Variants in GNG10 observed in about 807,000 individuals in gnomAD.
GNG10 encodes G protein subunit gamma 10.
Under a neutral mutation model 6.8 loss-of-function variants are expected in GNG10, and 7 were observed. The ratio of observed to expected loss-of-function variants is 1.02; its 90% CI spans 0.58 to 1.92. The LOEUF is 1.92. Among genes scored for constraint, GNG10 ranks in the 30% most tolerant of loss-of-function variants. The probability of loss-of-function intolerance (pLI) is 0.00; values close to 1 mark genes in which losing one functional copy is unlikely to be tolerated. For synonymous variants in GNG10, 28 were observed against 34.8 expected, an observed-to-expected ratio of 0.80 and a Z score of 0.69; for missense variants, 57 against 86.1, an observed-to-expected ratio of 0.66 and a Z score of 1.34.
chr9:111,665,893 ATTTTTTT>A (rs571066443), intron 1 of GNG10, among the ~76,000 whole-genome samples: 31 of 121,860 alleles, frequency 2.5e-4, no homozygotes, highest in South Asian at 2.6e-4. Context: ...CACCCGGTTA[ATTTTTTT>A]TTTTTTTTTT....
At position 111,661,857 on chromosome 9, in the gene GNG10, C is replaced by A; in HGVS notation, c.81+142C>A. 3.2e-6 allele frequency: 1 copy of A among 314,176 alleles called. No individual in the cohort carries two copies. The highest frequency in any genetic ancestry group is 5.2e-6 in the Non-Finnish European group (1 of 191,232). 19.5% of individuals were successfully genotyped at this position (314,176 alleles called of 1,614,324 possible). On this transcript the variant is annotated intron_variant, in intron 1 of 2. Transcript: ENST00000374293. This position sits in a 1 kb window ranked among gnomAD's most constrained non-coding sequence, Gnocchi z 6.1. Reference sequence around the variant, plus strand: ...CGGGGCGCGGGGGCGGTGGGGTCCGCGGTGAGGGAGGGCGCGGGGCAAGCC... The same window carrying A: ...CGGGGCGCGGGGGCGGTGGGGTCCGAGGTGAGGGAGGGCGCGGGGCAAGCC...
chr9:111,663,082 G>A (rs913449520), intron 1 of GNG10, among the ~76,000 whole-genome samples: 1 of 152,162 alleles, frequency 6.6e-6, no homozygotes, highest in Non-Finnish European at 1.5e-5. Context: ...AGGTAAGGGT[G>A]TGTGTAAAGA....
At chr9:111,663,118 T>A (rs1830849092) in intron 1 of GNG10, among the ~76,000 whole-genome samples, 2 of 152,186 alleles carry the variant, frequency 1.3e-5, no homozygotes, top group Non-Finnish European at 2.9e-5. Flanking sequence ...GGGCTAAACT[T>A]GTATGGTGAC....
rs764660817 is a variant in GNG10 at position 111,666,808 on chromosome 9, G to A, written c.82-7G>A. The A allele has an allele frequency of 1.9e-6, 3 of 1,612,018 alleles. No homozygotes were observed. The highest frequency in any genetic ancestry group is 2.5e-6 in the Non-Finnish European group (3 of 1,179,502). On this transcript the variant is annotated splice_region_variant and splice_polypyrimidine_tract_variant and intron_variant, in intron 1 of 2. Transcript: ENST00000374293. ...CAGGGTGCCATGTTGCTGTCCCTTT[G>A]TTTCAGGTCTCTCAGGCAGCTGCAG...
chr9:111,668,481 C>T (rs1000516030), intron 2 of GNG10, among the ~76,000 whole-genome samples: 4 of 144,004 alleles, frequency 2.8e-5, no homozygotes, highest in Admixed American at 7.1e-5. Context: ...CTCCTTCTTT[C>T]CTTCCTTCTC....
At chr9:111,667,082 T>A in intron 2 of GNG10, 136 bp downstream of exon 2, 1 of 1,394,020 alleles carries the variant, frequency 7.2e-7, no homozygotes, top group Non-Finnish European at 9.5e-7. Context: ...TGCACAACTT[T>A]CCCTGAAGTG....
chr9:111,668,023 A>AT (rs1825743779), intron 2 of GNG10, among the ~76,000 whole-genome samples: 2 of 151,958 alleles, frequency 1.3e-5, no homozygotes, highest in Middle Eastern at 3.2e-3. Context: ...TGCCCACCTA[A>AT]TTTTTTTGTA....
chr9:111,668,635 G>A (rs1201485836), intron 2 of GNG10, among the ~76,000 whole-genome samples: 1 of 151,920 alleles, frequency 6.6e-6, no homozygotes, highest in Non-Finnish European at 1.5e-5. Context: ...CAGGTGTGCA[G>A]CACCATGCCT....
Position 111,667,111 on chromosome 9 carries a change from A to G in GNG10, c.*6+165A>G, listed in dbSNP as rs1490367987. Among the ~76,000 whole-genome samples, 3 of 152,184 alleles carry G rather than the reference A, an allele frequency of 2.0e-5. No homozygotes were observed. In the East Asian group the frequency reaches 5.8e-4, roughly 29 times the overall value. On this transcript the variant is annotated intron_variant, in intron 2 of 2. Coordinates refer to ENST00000374293, the MANE Select transcript of GNG10 (RefSeq NM_001017998.4). ...TGAAGTGTGATTCTAGTGTATATTT[A>G]CCTTGCCTGTAGAATACATCTAATC...
At chr9:111,667,284 C>G (rs1333214630) in intron 2 of GNG10, among the ~76,000 whole-genome samples, 1 of 151,996 alleles carries the variant, frequency 6.6e-6, no homozygotes. Context: ...GGCTGGAGTA[C>G]AGTGGCATGA....
chr9:111,667,151 T>G (rs1358101600), intron 2 of GNG10, among the ~76,000 whole-genome samples: 1 of 152,208 alleles, frequency 6.6e-6, no homozygotes, highest in East Asian at 1.9e-4. Context: ...CAGTCTGAAG[T>G]CTCTCTGGCA....
At chr9:111,664,931 T>G (rs1261159723) in intron 1 of GNG10, among the ~76,000 whole-genome samples, 1 of 152,204 alleles carries the variant, frequency 6.6e-6, no homozygotes, top group Non-Finnish European at 1.5e-5. Flanking sequence ...ATTCCAATTA[T>G]AATTCACATG....
chr9:111,666,741 G>C (rs978093968), intron 1 of GNG10, 74 bp from the exon 2 acceptor site: 1 of 1,521,118 alleles, frequency 6.6e-7, no homozygotes, highest in Admixed American at 1.9e-5. Flanking sequence ...TTGGATGATC[G>C]TTTTCAGAAT....
chr9:111,661,791 G>T lies in GNG10; in HGVS notation c.81+76G>T. ...GAAGAGGAGGCCGGCGGCCCGGACC[G>T]GGCGCCAGCGGGGGACTCGGTGGCG... On this transcript the variant is annotated intron_variant, in intron 1 of 2. Transcript: ENST00000374293. This position sits in a 1 kb window ranked among gnomAD's most constrained non-coding sequence, Gnocchi z 6.1. The T allele has an allele frequency of 1.2e-6, 1 of 856,442 alleles. No homozygotes were observed. Among genetic ancestry groups the T allele is most frequent in the Non-Finnish European group, 1.5e-6 (1 of 657,308 alleles). 53.1% of individuals were successfully genotyped at this position (856,442 alleles called of 1,614,324 possible).
chr9:111,663,821 CTTTTTTT>C (rs5899961), intron 1 of GNG10, among the ~76,000 whole-genome samples: 56,837 of 144,842 alleles, frequency 0.39, 11,604 homozygotes, highest in African/African-American at 0.54. Context: ...GAAAGATATT[CTTTTTTT>C]TTTTTTTTTG....
intron 1 of GNG10, among the ~76,000 whole-genome samples, chr9:111,665,768 C>T (rs1204745793): frequency 6.6e-6 from 1 of 151,826 alleles, no homozygotes; most frequent in Non-Finnish European, 1.5e-5. Flanking sequence ...CTCTTGTCAC[C>T]CAGCTTGGAG....
intron 1 of GNG10, among the ~76,000 whole-genome samples, chr9:111,664,694 C>T (rs930937285): frequency 5.3e-5 from 8 of 152,132 alleles, no homozygotes; most frequent in African/African-American, 9.7e-5. Flanking sequence ...ATGCTGATCA[C>T]GTTTACTCTT....
intron 2 of GNG10, among the ~76,000 whole-genome samples, chr9:111,667,149 A>T (rs1210210941): frequency 1.3e-5 from 2 of 152,222 alleles, no homozygotes; most frequent in Non-Finnish European, 2.9e-5. Flanking sequence ...GACAGTCTGA[A>T]GTCTCTCTGG....
intron 1 of GNG10, among the ~76,000 whole-genome samples, chr9:111,662,600 T>C (rs1830839880): frequency 6.6e-6 from 1 of 152,220 alleles, no homozygotes; most frequent in Non-Finnish European, 1.5e-5. Flanking sequence ...GCAGAAGATC[T>C]GTAAGAAGGA....
Sources: gnomAD v4.1 joint callset for allele counts (sites outside exome capture counted in the v4.1 genomes callset) on GRCh38, gnomAD v4.1.1 for gene constraint, Gnocchi (gnomAD v3.1) non-coding constraint, MANE v1.5 for transcripts, NCBI Gene and HGNC (gene_info 2026-07-23, HGNC 2026-07-21) for gene names.